The following AQP12A variants were observed in gnomAD, a reference collection of about 807,000 sequenced individuals.
AQP12A encodes putative aquaporin-12A.
AQP12A carries 11 observed loss-of-function variants against 12.2 expected under a neutral mutation model. The ratio of observed to expected loss-of-function variants is 0.90; its 90% CI spans 0.57 to 1.49. The LOEUF is 1.49. Ranked by LOEUF, AQP12A falls within the 40% of genes most tolerant of loss-of-function variation. The pLI is 0.00. For synonymous variants in AQP12A, 101 were observed against 127.1 expected, an observed-to-expected ratio of 0.79 and a Z score of 1.38; for missense variants, 203 against 260.8, an observed-to-expected ratio of 0.78 and a Z score of 1.53.
chr2:240,693,481 G>C (rs1460276688), intron 2 of AQP12A, among the ~76,000 whole-genome samples: 2 of 152,028 alleles, frequency 1.3e-5, no homozygotes, highest in African/African-American at 4.8e-5. Flanking sequence ...TCCCGTCAAG[G>C]GTCCTGCCTC....
At chr2:240,693,377 T>TG (rs547822009) in intron 2 of AQP12A, among the ~76,000 whole-genome samples, 172 of 152,310 alleles carry the variant, frequency 1.1e-3, no homozygotes, top group Middle Eastern at 3.4e-3. Flanking sequence ...CCTGTACAGA[T>TG]GGGGAAACTG....
chr2:240,693,272 C>A (rs1257197555), intron 2 of AQP12A, among the ~76,000 whole-genome samples: 1 of 152,200 alleles, frequency 6.6e-6, no homozygotes, highest in Non-Finnish European at 1.5e-5. Flanking sequence ...CAGGACAGGA[C>A]CAGCACTTAG....
Position 240,691,963 on chromosome 2 carries a change from T to A in AQP12A, c.50T>A (p.Leu17His), listed in dbSNP as rs776005562. Residue 17 changes from leucine (L) to histidine (H), a missense_variant, in exon 1 of 4, where the codon CTC becomes CAC. By Grantham distance (99) the Leu-to-His change is moderately conservative. This residue lies in a region of AQP12A where 191 missense variants were observed against 197.1 expected (regional missense o/e 0.97). Transcript: ENST00000337801. ...SLSFFFATFALCEAARRASKA... is the reference protein window; with the variant it reads ...SLSFFFATFAHCEAARRASKA... ...TCCTTCTTCTTTGCCACCTTCGCCC[T>A]CTGTGAGGCGGCCAGGCGGGCCTCC... is the stretch of plus-strand genomic sequence containing the variant. 4.5e-5 allele frequency: 71 copies of A among 1,589,744 alleles called. No individual in the cohort carries two copies. The South Asian group carries it at 7.8e-4, about 17-fold the overall frequency.
Position 240,692,109 on chromosome 2 carries a change from G to T in AQP12A, c.159G>T (p.Gly53=), listed in dbSNP as rs781330549. ...TGGTCGAGCTCGGGCCCTGGGCTGG[G>T]GACTTTGGGCCTGACCTGCTGCTCA... ...RTLVELGPWA[G]DFGPDLLLTL... Residue 53 remains glycine (G), a synonymous_variant, in exon 2 of 4, where the codon GGG becomes GGT. Coordinates refer to ENST00000337801, the MANE Select transcript of AQP12A (RefSeq NM_198998.3). 3 of 1,583,582 alleles carry T rather than the reference G, an allele frequency of 1.9e-6. No homozygotes were observed. The highest frequency in any genetic ancestry group is 1.7e-6 in the Non-Finnish European group (2 of 1,168,388).
chr2:240,693,232 G>T (rs2044087217), intron 2 of AQP12A, among the ~76,000 whole-genome samples: 1 of 152,024 alleles, frequency 6.6e-6, no homozygotes, highest in Non-Finnish European at 1.5e-5. Flanking sequence ...AATGGTGCCA[G>T]GTCTCCTTCC....
chr2:240,696,445 C>CT (rs2044108955), intron 3 of AQP12A, among the ~76,000 whole-genome samples: 1 of 114,006 alleles, frequency 8.8e-6, no homozygotes, highest in Non-Finnish European at 1.8e-5. Context: ...TGTCCCCGGG[C>CT]TTGGAGACGC....
intron 2 of AQP12A, among the ~76,000 whole-genome samples, chr2:240,693,970 CCT>C (rs1235912514): frequency 1.5e-5 from 1 of 65,074 alleles, no homozygotes; most frequent in Admixed American, 2.0e-4. Context: ...CTCTGTCTCT[CCT>C]CTCTCTCTCT....
Position 240,692,230 on chromosome 2 carries a change from C to A in AQP12A, c.280C>A (p.Gln94Lys). ...CCTGCAGGAGTTCCTCATGGCCGAG[C>A]AGTCTCTGCCTGGCACGCTGTTGAA... ...VSLQEFLMAE[Q>K]SLPGTLLKLA... The change falls in exon 2 of 4, where the codon CAG (glutamine) becomes AAG (lysine). Residue 94 changes from glutamine to lysine, a missense_variant. Gln to Lys is a moderately conservative substitution (Grantham distance 53). Transcript: ENST00000337801. 2.5e-6 allele frequency: 4 copies of A among 1,570,890 alleles called. 1 individual carries two copies. Among genetic ancestry groups the A allele is most frequent in the Non-Finnish European group, 3.4e-6 (4 of 1,166,198 alleles).
Position 240,691,923 on chromosome 2 carries a change from C to T in AQP12A, c.10C>T (p.Leu4Phe). 1.3e-6 allele frequency: 2 copies of T among 1,595,436 alleles called. No homozygotes were observed. Among genetic ancestry groups the T allele is most frequent in the South Asian group, 2.2e-5 (2 of 89,208 alleles). MAG[L>F]NVSLSFFFAT... is the part of the protein sequence containing the mutation. ...CGGGGGGCCCAGGCCGATGGCAGGT[C>T]TTAACGTGTCCCTCTCCTTCTTCTT... The change falls in exon 1 of 4, where the codon CTT becomes TTT. Residue 4 changes from leucine to phenylalanine, a missense_variant. This residue lies in a region of AQP12A where 191 missense variants were observed against 197.1 expected (regional missense o/e 0.97). Transcript: ENST00000337801.
Position 240,692,380 on chromosome 2 carries a change from C to G in AQP12A, c.430C>G (p.Arg144Gly), listed in dbSNP as rs771431612. ...GGCCCAGAGCTGCAGCTCGGCCCTG[C>G]GCACATCCGTGCCCCACGGGGCGCT... The part of the protein sequence containing the change: ...LMAQSCSSAL[R>G]TSVPHGALVE... The change falls in exon 2 of 4, where the codon CGC (arginine) becomes GGC (glycine). Residue 144 changes from arginine (R) to glycine (G), a missense_variant. Coordinates refer to ENST00000337801, the MANE Select transcript of AQP12A (RefSeq NM_198998.3). The G allele has an allele frequency of 3.3e-6, 5 of 1,518,954 alleles. No individual in the cohort carries two copies. Among genetic ancestry groups the G allele is most frequent in the Non-Finnish European group, 4.4e-6 (5 of 1,137,738 alleles). 94.1% of individuals were successfully genotyped at this position (1,518,954 alleles called of 1,614,324 possible). A position where few individuals can be genotyped will look rare whatever the true frequency, so the allele number is the denominator to read the frequency against.
rs749783111 is a variant in AQP12A at position 240,691,995 on chromosome 2, C to T, written c.82C>T (p.Leu28=). The T allele has an allele frequency of 1.3e-5, 21 of 1,588,260 alleles. No homozygotes were observed. Among genetic ancestry groups the T allele is most frequent in the Non-Finnish European group, 1.7e-5 (20 of 1,168,822 alleles). ...GGCGGCCAGGCGGGCCTCCAAGGCC[C>T]TGCTCCCAGTGGGCGCCTATGAAGT... The part of the protein sequence containing the change: ...CEAARRASKA[L]LPVGAYEVFA... The change falls in exon 1 of 4, where the codon CTG becomes TTG. Residue 28 remains leucine (L), a synonymous_variant. Coordinates refer to ENST00000337801, the MANE Select transcript of AQP12A (RefSeq NM_198998.3).
At chr2:240,692,987 C>G (rs1221556119) in intron 2 of AQP12A, among the ~76,000 whole-genome samples, 3 of 152,274 alleles carry the variant, frequency 2.0e-5, no homozygotes, top group Non-Finnish European at 4.4e-5. Flanking sequence ...GCACCTGGAC[C>G]GACCGTGGCA....
rs756370573 is a variant in AQP12A, at chr2:240,692,178, C to T, written c.228C>T (p.Asp76=). The part of the protein sequence containing the change: ...LLFLAHGVTL[D]GASANPTVSL... ...TCCTGGCGCACGGGGTCACCTTGGA[C>T]GGGGCCTCGGCCAACCCCACTGTGT... Residue 76 remains aspartate (D), a synonymous_variant, in exon 2 of 4, where the codon GAC becomes GAT. Transcript: ENST00000337801. The T allele has an allele frequency of 1.1e-4, 173 of 1,582,782 alleles. 16 individuals are homozygous for T. The highest frequency in any genetic ancestry group is 2.6e-4 in the South Asian group (23 of 88,562).
In AQP12A at chr2:240,691,944, T is replaced by C; in HGVS notation, c.31T>C (p.Phe11Leu). 1 of 1,596,608 alleles carries C rather than the reference T, an allele frequency of 6.3e-7. No individual in the cohort carries two copies. Among genetic ancestry groups the C allele is most frequent in the Non-Finnish European group, 8.5e-7 (1 of 1,174,474 alleles). The change falls in exon 1 of 4, where the codon TTC becomes CTC. Residue 11 changes from phenylalanine to leucine, a missense_variant. Physicochemically the swap from Phe to Leu is conservative, Grantham distance 22. Coordinates refer to ENST00000337801, the MANE Select transcript of AQP12A (RefSeq NM_198998.3). ...AGGTCTTAACGTGTCCCTCTCCTTC[T>C]TCTTTGCCACCTTCGCCCTCTGTGA... MAGLNVSLSF[F>L]FATFALCEAA...
rs151095143 is a variant in AQP12A at position 240,692,187 on chromosome 2, G to A, written c.237G>A (p.Ser79=). 18 of 1,581,894 alleles carry A rather than the reference G, an allele frequency of 1.1e-5. 4 individuals carry two copies. The Admixed American group carries it at 1.1e-4, about 10-fold the overall frequency. Residue 79 remains serine (S), a synonymous_variant, in exon 2 of 4, where the codon TCG becomes TCA. Transcript: ENST00000337801. The part of the protein sequence containing the change: ...LAHGVTLDGA[S]ANPTVSLQEF... ...ACGGGGTCACCTTGGACGGGGCCTCGGCCAACCCCACTGTGTCCCTGCAGG... is the reference window on the plus strand; with the variant it reads ...ACGGGGTCACCTTGGACGGGGCCTCAGCCAACCCCACTGTGTCCCTGCAGG...
At chr2:240,692,694 C>T (rs1303631289) in intron 2 of AQP12A, among the ~76,000 whole-genome samples, 173 bp downstream of exon 2, 1 of 150,754 alleles carries the variant, frequency 6.6e-6, no homozygotes, top group African/African-American at 2.5e-5. Flanking sequence ...CGAGGGCCTG[C>T]GCTGGACATG....
chr2:240,691,945 T>C lies in AQP12A; in HGVS notation c.32T>C (p.Phe11Ser). 1 of 1,596,464 alleles carries C rather than the reference T, an allele frequency of 6.3e-7. No individual in the cohort carries two copies. Residue 11 changes from phenylalanine to serine, a missense_variant, in exon 1 of 4, where the codon TTC (phenylalanine) becomes TCC (serine). Phe to Ser is a radical substitution (Grantham distance 155, BLOSUM62 -2). Around this residue, in one of 2 missense-constraint regions of AQP12A, gnomAD observed 191 missense variants for 197.1 expected, o/e 0.97. Coordinates refer to ENST00000337801, the MANE Select transcript of AQP12A (RefSeq NM_198998.3). Reference sequence around the variant, plus strand: ...GGTCTTAACGTGTCCCTCTCCTTCTTCTTTGCCACCTTCGCCCTCTGTGAG... The same window carrying C: ...GGTCTTAACGTGTCCCTCTCCTTCTCCTTTGCCACCTTCGCCCTCTGTGAG... MAGLNVSLSF[F>S]FATFALCEAA...
chr2:240,698,095 G>GT, intron 3 of AQP12A, 62 bp from the exon 4 acceptor site: 1 of 61,258 alleles, frequency 1.6e-5, no homozygotes, highest in Non-Finnish European at 2.8e-5. Flanking sequence ...GGGAGTGGGT[G>GT]TCCTGTCTGT....
chr2:240,692,198 C>T lies in AQP12A; in HGVS notation c.248C>T (p.Thr83Ile). 6.3e-7 allele frequency: 1 copy of T among 1,581,596 alleles called. No homozygotes were observed. The highest frequency in any genetic ancestry group is 8.6e-7 in the Non-Finnish European group (1 of 1,167,878). Reference protein sequence around the residue: ...VTLDGASANPTVSLQEFLMAE... With the variant: ...VTLDGASANPIVSLQEFLMAE... Reference sequence around the variant, plus strand: ...TTGGACGGGGCCTCGGCCAACCCCACTGTGTCCCTGCAGGAGTTCCTCATG... The same window carrying T: ...TTGGACGGGGCCTCGGCCAACCCCATTGTGTCCCTGCAGGAGTTCCTCATG... Residue 83 changes from threonine to isoleucine, a missense_variant, in exon 2 of 4, where the codon ACT (threonine) becomes ATT (isoleucine). Physicochemically the swap from Thr to Ile is moderately conservative, Grantham distance 89 (BLOSUM62 -1). Around this residue, in one of 2 missense-constraint regions of AQP12A, gnomAD observed 191 missense variants for 197.1 expected, o/e 0.97. Coordinates refer to ENST00000337801, the MANE Select transcript of AQP12A (RefSeq NM_198998.3).
Sources: allele counts gnomAD v4.1 joint callset (sites outside exome capture counted in the v4.1 genomes callset), GRCh38; gene constraint gnomAD v4.1.1; regional missense constraint gnomAD v4.1.1; transcripts MANE v1.5; gene names NCBI Gene and HGNC (gene_info 2026-07-23, HGNC 2026-07-21).